The following SLC36A3 variants were observed in gnomAD, a reference collection of about 807,000 sequenced individuals.
The protein encoded by SLC36A3 is solute carrier family 36 member 3.
SLC36A3 carries 35 observed loss-of-function variants against 44.3 expected under a neutral mutation model. The ratio of observed to expected loss-of-function variants is 0.79; its 90% CI spans 0.60 to 1.05. The LOEUF (loss-of-function observed/expected upper bound fraction) is 1.05, where lower values mean the gene tolerates loss of function less well. SLC36A3 is among the 50% of genes least tolerant of loss of function. The pLI is 0.00. For synonymous variants in SLC36A3, 211 were observed against 227.6 expected (o/e 0.93, Z 0.66); for missense variants, 540 against 578.7 (o/e 0.93, Z 0.69).
rs1755233344 is a variant in SLC36A3, at chr5:151,303,428, G to A, written c.-74C>T. 6.7e-7 allele frequency: 1 copy of A among 1,497,116 alleles called. No homozygotes were observed. Among genetic ancestry groups the A allele is most frequent in the African/African-American group, 1.4e-5 (1 of 71,718 alleles). 92.7% of individuals were successfully genotyped at this position (1,497,116 alleles called of 1,614,324 possible). A position where few individuals can be genotyped will look rare whatever the true frequency, so the allele number is the denominator to read the frequency against. ...TGAGCCTCTGATGGGTCTTTCTCCA[G>A]AGAAACCATGGCTGCTGACCTGAGA... On this transcript the variant is annotated 5_prime_UTR_variant, in exon 1 of 10. Coordinates refer to ENST00000335230, the MANE Select transcript of SLC36A3 (RefSeq NM_181774.4).
chr5:151,285,116 C>G (rs2127258543), intron 6 of SLC36A3, among the ~76,000 whole-genome samples: 1 of 152,324 alleles, frequency 6.6e-6, no homozygotes, highest in South Asian at 2.1e-4. Flanking sequence ...CTAGGTACCT[C>G]ATGTAAGTGG....
intron 4 of SLC36A3, 137 bp from the exon 5 acceptor site, chr5:151,288,607 T>G: frequency 2.9e-6 from 2 of 684,656 alleles, no homozygotes; most frequent in Non-Finnish European, 4.5e-6. Context: ...TTTGAAAAAT[T>G]TTTAAGCCAA....
At chr5:151,277,819 CT>C (rs1352288539) in intron 9 of SLC36A3, among the ~76,000 whole-genome samples, 158 bp from the exon 10 acceptor site, 2 of 152,164 alleles carry the variant, frequency 1.3e-5, no homozygotes, top group Admixed American at 6.5e-5. Context: ...CCACCCCTGT[CT>C]TAACTAGTAA....
At chr5:151,290,939 G>A (rs1380406680) in intron 4 of SLC36A3, among the ~76,000 whole-genome samples, 1 of 151,406 alleles carries the variant, frequency 6.6e-6, no homozygotes, top group Non-Finnish European at 1.5e-5. Context: ...ACTTTAAAAA[G>A]TATAATCATC....
intron 1 of SLC36A3, among the ~76,000 whole-genome samples, chr5:151,300,108 T>C (rs1450353710): frequency 6.6e-6 from 1 of 152,182 alleles, no homozygotes; most frequent in East Asian, 1.9e-4. Flanking sequence ...ACAGACGAAG[T>C]CTCAGGCTAA....
intron 6 of SLC36A3, among the ~76,000 whole-genome samples, chr5:151,285,817 G>A (rs1260756458): frequency 6.6e-6 from 1 of 152,200 alleles, no homozygotes; most frequent in African/African-American, 2.4e-5. Flanking sequence ...TAGCTTTGAA[G>A]ATGGAAGGCG....
intron 1 of SLC36A3, among the ~76,000 whole-genome samples, chr5:151,299,256 C>CTATATA (rs1394218183): frequency 2.5e-4 from 19 of 76,586 alleles, no homozygotes; most frequent in East Asian, 5.2e-4. Flanking sequence ...CTCTCTCTCT[C>CTATATA]TCTCTCTCTA....
At chr5:151,302,897 A>G (rs1304137262) in intron 1 of SLC36A3, among the ~76,000 whole-genome samples, 1 of 122,938 alleles carries the variant, frequency 8.1e-6, no homozygotes, top group Non-Finnish European at 1.7e-5. Context: ...CAGATGTGTG[A>G]GGAGAAGAAG....
intron 8 of SLC36A3, among the ~76,000 whole-genome samples, chr5:151,283,106 G>A (rs1053780196): frequency 2.6e-5 from 4 of 151,888 alleles, no homozygotes; most frequent in Non-Finnish European, 4.4e-5. Flanking sequence ...GGCTGGTCTC[G>A]AACTCCTGAC....
At chr5:151,296,338 T>G (rs1446156673) in intron 2 of SLC36A3, 70 bp from the exon 3 acceptor site, 18 of 1,349,418 alleles carry the variant, frequency 1.3e-5, no homozygotes, top group Non-Finnish European at 1.9e-5. Context: ...CCTCTCACAG[T>G]CTGCGTGCTG....
chr5:151,292,463 G>T (rs146132746), intron 4 of SLC36A3, among the ~76,000 whole-genome samples: 463 of 152,206 alleles, frequency 3.0e-3, no homozygotes, highest in African/African-American at 0.01. Flanking sequence ...CATGCCTTTG[G>T]ATATGTTATT....
intron 7 of SLC36A3, 46 bp from the exon 8 acceptor site, chr5:151,284,256 G>A: frequency 6.4e-7 from 1 of 1,550,850 alleles, no homozygotes; most frequent in Non-Finnish European, 8.7e-7. Context: ...AGAAAGAGAT[G>A]TGGCCCATTG....
chr5:151,300,174 A>G (rs1303672159), intron 1 of SLC36A3, among the ~76,000 whole-genome samples: 2 of 152,238 alleles, frequency 1.3e-5, no homozygotes, highest in Non-Finnish European at 2.9e-5. Flanking sequence ...CAGGAGAGCC[A>G]AAACCAACTG....
intron 1 of SLC36A3, among the ~76,000 whole-genome samples, chr5:151,301,241 C>G (rs1262228864): frequency 1.3e-5 from 2 of 152,182 alleles, no homozygotes; most frequent in African/African-American, 4.8e-5. Context: ...AAAAAGACCC[C>G]CTTTTTGCCT....
At chr5:151,299,104 TA>T (rs552398609) in intron 1 of SLC36A3, among the ~76,000 whole-genome samples, 38 of 152,024 alleles carry the variant, frequency 2.5e-4, no homozygotes, top group African/African-American at 8.9e-4. Flanking sequence ...GACATCAGGT[TA>T]TTTATTAACT....
chr5:151,300,243 C>G (rs1325410834), intron 1 of SLC36A3, among the ~76,000 whole-genome samples: 1 of 152,018 alleles, frequency 6.6e-6, no homozygotes, highest in Non-Finnish European at 1.5e-5. Context: ...ATTAGAGAGT[C>G]ATGGCAAGGG....
chr5:151,298,851 A>G (rs539435311), intron 1 of SLC36A3, among the ~76,000 whole-genome samples, 168 bp from the exon 2 acceptor site: 1 of 152,328 alleles, frequency 6.6e-6, no homozygotes, highest in African/African-American at 2.4e-5. Context: ...GTCCTGGAAC[A>G]TCTGATCTGG....
At chr5:151,280,925 C>A in intron 9 of SLC36A3, 89 bp downstream of exon 9, 1 of 1,518,172 alleles carries the variant, frequency 6.6e-7, no homozygotes, top group Non-Finnish European at 9.0e-7. Context: ...ACAAAGAAGG[C>A]AAGTGGCAGA....
chr5:151,282,013 A>AAC (rs147762772), intron 8 of SLC36A3, among the ~76,000 whole-genome samples: 4 of 152,106 alleles, frequency 2.6e-5, no homozygotes, highest in Non-Finnish European at 5.9e-5. Flanking sequence ...AGAATGTAGG[A>AAC]ACATACATGC....
Sources: gnomAD v4.1 joint callset for allele counts (sites outside exome capture counted in the v4.1 genomes callset) on GRCh38, gnomAD v4.1.1 for gene constraint, MANE v1.5 for transcripts, NCBI Gene and HGNC (gene_info 2026-07-23, HGNC 2026-07-21) for gene names.